IARS1: variants seen among roughly 807,000 people sequenced by gnomAD.
IARS1 encodes isoleucine--tRNA ligase, cytoplasmic.
IARS1 carries 124 observed loss-of-function variants against 168.2 expected under a neutral mutation model. The ratio of observed to expected loss-of-function variants is 0.74; its 90% CI spans 0.64 to 0.86. The LOEUF is 0.86. Ranked by LOEUF, IARS1 falls within the 40% of genes least tolerant of loss-of-function variation. The pLI, the probability that IARS1 is intolerant of heterozygous loss-of-function variation, is 0.00. For missense variants in IARS1, 1,452 were observed against 1,515.8 expected (o/e 0.96, Z 0.70); for synonymous variants, 532 against 529.4 (o/e 1.00, Z -0.07).
chr9:92,241,999 A>T (rs1179699706), intron 29 of IARS1, among the ~76,000 whole-genome samples, 155 bp downstream of exon 29: 1 of 151,560 alleles, frequency 6.6e-6, no homozygotes, highest in Non-Finnish European at 1.5e-5. Context: ...CTGAGCTTCC[A>T]CTCTCTGACT....
chr9:92,252,807 A>T (rs1464182927), intron 21 of IARS1, among the ~76,000 whole-genome samples: 5 of 143,404 alleles, frequency 3.5e-5, no homozygotes, highest in African/African-American at 1.3e-4. Flanking sequence ...AGACATGACT[A>T]ATGGGTAGTG....
At chr9:92,250,571 C>G in intron 23 of IARS1, 142 bp downstream of exon 23, 1 of 924,858 alleles carries the variant, frequency 1.1e-6, no homozygotes, top group Non-Finnish European at 1.6e-6. Context: ...CCCCATCCTG[C>G]AGCCTGAGGA....
At chr9:92,267,400 ATGC>A (rs1228584540) in intron 14 of IARS1, among the ~76,000 whole-genome samples, 1 of 152,216 alleles carries the variant, frequency 6.6e-6, no homozygotes, top group African/African-American at 2.4e-5. Context: ...CACTGCAACA[ATGC>A]TGTCAGCTTT....
intron 33 of IARS1, among the ~76,000 whole-genome samples, chr9:92,219,717 G>GATACC (rs2133374564): frequency 7.3e-6 from 1 of 137,528 alleles, no homozygotes; most frequent in East Asian, 2.0e-4. Context: ...ACCACAATGA[G>GATACC]ATACCATCTC....
intron 30 of IARS1, among the ~76,000 whole-genome samples, chr9:92,231,395 G>A (rs1170035751): frequency 6.6e-6 from 1 of 150,652 alleles, no homozygotes; most frequent in Non-Finnish European, 1.5e-5. Flanking sequence ...GGTATGTTAC[G>A]TATATGTGTT....
Position 92,287,792 on chromosome 9 carries a change from T to C in IARS1, c.395A>G (p.Lys132Arg). The C allele has an allele frequency of 1.2e-6, 2 of 1,610,694 alleles. No individual in the cohort carries two copies. The highest frequency in any genetic ancestry group is 1.1e-5 in the South Asian group (1 of 90,396). Reference sequence around the variant, plus strand: ...TCTACTGAAAAAAACCCAACATACCTTCCACTCAGCAGAATATCTCATCAC... The same window carrying C: ...TCTACTGAAAAAAACCCAACATACCCTCCACTCAGCAGAATATCTCATCAC... The part of the protein sequence containing the change: ...AIVMRYSAEW[K>R]STVSRLGRWI... Residue 132 changes from lysine to arginine, a missense_variant and splice_region_variant, in exon 4 of 34, where the codon AAG becomes AGG. Transcript: ENST00000443024.
At chr9:92,288,921 G>A (rs1283477001) in intron 2 of IARS1, among the ~76,000 whole-genome samples, 1 of 152,074 alleles carries the variant, frequency 6.6e-6, no homozygotes, top group Non-Finnish European at 1.5e-5. Context: ...AAGAGTATCT[G>A]CTTTAGGCCG....
At chr9:92,234,929 C>T (rs1373433397) in intron 30 of IARS1, among the ~76,000 whole-genome samples, 3 of 151,876 alleles carry the variant, frequency 2.0e-5, no homozygotes, top group East Asian at 3.9e-4. Flanking sequence ...CTGCAACCTC[C>T]GCTTCCCAGG....
At chr9:92,215,288 A>G (rs1838470382) in intron 33 of IARS1, among the ~76,000 whole-genome samples, 1 of 152,118 alleles carries the variant, frequency 6.6e-6, no homozygotes. Flanking sequence ...CCATCATCAA[A>G]GACCAAAAGT....
In IARS1 at chr9:92,240,959, C is replaced by T. The variant is rs1828304059; in HGVS notation, c.3180G>A (p.Leu1060=). 6.3e-7 allele frequency: 1 copy of T among 1,589,910 alleles called. No individual in the cohort carries two copies. Among genetic ancestry groups the T allele is most frequent in the African/African-American group, 1.3e-5 (1 of 74,396 alleles). The change falls in exon 30 of 34, where the codon TTG becomes TTA. Residue 1060 remains leucine (L), a splice_region_variant and synonymous_variant. Coordinates refer to ENST00000443024, the MANE Select transcript of IARS1 (RefSeq NM_002161.6). The part of the protein sequence containing the change: ...DKVLIQEKTQ[L]KGSELEITLT... ...GTGTAATTTCCAGTTCAGATCCCTT[C>T]AACTGAGCACATGAGAACGTATGAC...
chr9:92,292,181 CTTTT>C (rs57075703), intron 1 of IARS1, among the ~76,000 whole-genome samples: 52,083 of 117,860 alleles, frequency 0.44, 12,234 homozygotes, highest in African/African-American at 0.7. Flanking sequence ...CCACACTCAG[CTTTT>C]TTTTTTTTTT....
At position 92,287,773 on chromosome 9, in the gene IARS1, GA is replaced by G; in HGVS notation, c.396+17del. On this transcript the variant is annotated intron_variant, in intron 4 of 33. Transcript: ENST00000443024. Reference sequence around the variant, plus strand: ...AACTACATTTGCTGTTCATTCTACTGAAAAAAACCCAACATACCTTCCACTC... The same window carrying G: ...AACTACATTTGCTGTTCATTCTACTGAAAAAACCCAACATACCTTCCACTC... The G allele has an allele frequency of 1.2e-6, 2 of 1,602,770 alleles. No individual in the cohort carries two copies. The highest frequency in any genetic ancestry group is 1.7e-6 in the Non-Finnish European group (2 of 1,174,220).
chr9:92,283,831 G>C (rs1372800951), intron 6 of IARS1, among the ~76,000 whole-genome samples: 1 of 152,086 alleles, frequency 6.6e-6, no homozygotes, highest in Non-Finnish European at 1.5e-5. Context: ...TAAACCATTA[G>C]AAATATGAAC....
chr9:92,277,715 C>T (rs1833966149), intron 9 of IARS1, 148 bp downstream of exon 9: 3 of 583,378 alleles, frequency 5.1e-6, no homozygotes, highest in African/African-American at 3.9e-5. Context: ...GAAAGCTACA[C>T]AAACAATTTA....
At chr9:92,265,624 G>A in intron 14 of IARS1, 71 bp from the exon 15 acceptor site, 1 of 1,138,228 alleles carries the variant, frequency 8.8e-7, no homozygotes, top group South Asian at 1.2e-5. Context: ...AATTTATATA[G>A]CATGCATGTT....
At chr9:92,285,507 A>G (rs1431416549) in intron 6 of IARS1, among the ~76,000 whole-genome samples, 3 of 152,206 alleles carry the variant, frequency 2.0e-5, no homozygotes, top group African/African-American at 7.2e-5. Flanking sequence ...AAGACACATC[A>G]TAAATCCAAT....
chr9:92,215,355 A>C (rs866008286), intron 33 of IARS1, among the ~76,000 whole-genome samples: 4 of 152,222 alleles, frequency 2.6e-5, no homozygotes, highest in African/African-American at 4.8e-5. Flanking sequence ...AACTCTAAAA[A>C]GCAGAGTGCC....
At chr9:92,267,256 C>T (rs1207464068) in intron 14 of IARS1, among the ~76,000 whole-genome samples, 1 of 152,188 alleles carries the variant, frequency 6.6e-6, no homozygotes, top group Non-Finnish European at 1.5e-5. Flanking sequence ...GCTTCTGATC[C>T]TAGTGAACAC....
intron 6 of IARS1, among the ~76,000 whole-genome samples, chr9:92,281,789 C>A (rs988805507): frequency 2.6e-5 from 4 of 152,018 alleles, no homozygotes; most frequent in Non-Finnish European, 5.9e-5. Context: ...GACACGAGAG[C>A]CATTAGTCAC....
Sources: allele counts gnomAD v4.1 joint callset (sites outside exome capture counted in the v4.1 genomes callset), GRCh38; gene constraint gnomAD v4.1.1; transcripts MANE v1.5; gene names NCBI Gene and HGNC (gene_info 2026-07-23, HGNC 2026-07-21).